The following HERC1 variants were observed in gnomAD, a reference collection of about 807,000 sequenced individuals.
The protein encoded by HERC1 is HECT and RLD domain containing E3 ubiquitin protein ligase family member 1, also known as probable E3 ubiquitin-protein ligase HERC1.
Under a neutral mutation model 554.3 loss-of-function variants are expected in HERC1, and 160 were observed. That is an observed-to-expected ratio of 0.29 (90% CI 0.25 to 0.33). The LOEUF is 0.33. Among genes scored for constraint, HERC1 ranks in the 10% least tolerant of loss-of-function variants. The probability of loss-of-function intolerance (pLI) is 1.00; values close to 1 mark genes in which losing one functional copy is unlikely to be tolerated. For missense variants in HERC1, 4,919 were observed against 5,918.5 expected (o/e 0.83, Z 5.54); for synonymous variants, 2,175 against 2,131.7 (o/e 1.02, Z -0.56).
intron 74 of HERC1, among the ~76,000 whole-genome samples, chr15:63,621,147 A>G (rs2068059781): frequency 6.6e-6 from 1 of 152,070 alleles, no homozygotes; most frequent in Non-Finnish European, 1.5e-5. Context: ...CTTCCTTTCC[A>G]TGTTTAGTGC....
intron 1 of HERC1, 76 bp downstream of exon 1, chr15:63,833,751 G>GCACACACACACACACACACACACA (rs1327103352): frequency 6.9e-5 from 5 of 72,342 alleles, no homozygotes; most frequent in South Asian, 7.1e-4. Context: ...ACACGCGCGC[G>GCACACACACACACACACACACACA]CGCACACACA....
chr15:63,713,907 G>GT (rs1451646963), intron 22 of HERC1: 4 of 424,378 alleles, frequency 9.4e-6, no homozygotes, highest in African/African-American at 8.0e-5. Flanking sequence ...GAATTTTAAT[G>GT]TAATCACAAT....
chr15:63,784,089 T>A (rs1421769276), intron 1 of HERC1, among the ~76,000 whole-genome samples: 1 of 150,178 alleles, frequency 6.7e-6, no homozygotes, highest in East Asian at 1.9e-4. Flanking sequence ...AGAATAAAAC[T>A]CATGCTCATA....
At chr15:63,631,114 G>A (rs1356661363) in intron 68 of HERC1, among the ~76,000 whole-genome samples, 1 of 152,118 alleles carries the variant, frequency 6.6e-6, no homozygotes, top group African/African-American at 2.4e-5. Flanking sequence ...GAGTAGCTTG[G>A]ACCACAGGCA....
In HERC1 at chr15:63,677,849, T is replaced by G. The variant is rs1291758604; in HGVS notation, c.7066A>C (p.Ile2356Leu). The G allele has an allele frequency of 6.2e-7, 1 of 1,613,180 alleles. No homozygotes were observed. The highest frequency in any genetic ancestry group is 8.5e-7 in the Non-Finnish European group (1 of 1,179,420). The change falls in exon 37 of 78, where the codon ATC (isoleucine) becomes CTC (leucine). Residue 2356 changes from isoleucine to leucine, a missense_variant. By Grantham distance (5) the Ile-to-Leu change is conservative. Coordinates refer to ENST00000443617, the MANE Select transcript of HERC1 (RefSeq NM_003922.4). This position sits in a 1 kb window ranked among gnomAD's most constrained non-coding sequence, Gnocchi z 4.4. The stretch of plus-strand genomic sequence containing the variant: ...GTGTAACTCAACAGATCATACCTGA[T>G]AGTAATTTCTGCTTCATCCCATTGG... The part of the protein sequence containing the change: ...KVQWDEAEIT[I>L]SFPTFWSPSD...
chr15:63,829,561 G>GTGTGTGTGTGTATATA (rs1220043639), intron 1 of HERC1, among the ~76,000 whole-genome samples: 3 of 81,732 alleles, frequency 3.7e-5, no homozygotes, highest in African/African-American at 1.6e-4. Flanking sequence ...GTGTGTGTGT[G>GTGTGTGTGTGTATATA]TATATATATA....
At chr15:63,778,472 C>T (rs13379688) in intron 1 of HERC1, among the ~76,000 whole-genome samples, 72,676 of 151,794 alleles carry the variant, frequency 0.48, 18,324 homozygotes, top group Non-Finnish European at 0.55. Context: ...TTTGTTGAAA[C>T]GCAGAGGAAA....
At chr15:63,642,821 T>C (rs552322900) in intron 59 of HERC1, 136 bp downstream of exon 59, 54 of 621,870 alleles carry the variant, frequency 8.7e-5, no homozygotes, top group Non-Finnish European at 1.4e-4. Flanking sequence ...TGCTACTAAA[T>C]AGTTGCACTG....
Position 63,698,879 on chromosome 15 carries a change from G to A in HERC1, c.4754C>T (p.Ser1585Phe). The A allele has an allele frequency of 6.2e-7, 1 of 1,613,938 alleles. No individual in the cohort carries two copies. The highest frequency in any genetic ancestry group is 8.5e-7 in the Non-Finnish European group (1 of 1,179,876). ...TTCAATCAAAGTGTGAACTCCCAAA[G>A]ACTTGGTAAGATCAAAATCTGACTC... Reference protein sequence around the residue: ...SFESDFDLTKSLGVHTLIENV... With the variant: ...SFESDFDLTKFLGVHTLIENV... Residue 1585 changes from serine to phenylalanine, a missense_variant, in exon 26 of 78, where the codon TCT (serine) becomes TTT (phenylalanine). By Grantham distance (155) the Ser-to-Phe change is radical. Coordinates refer to ENST00000443617, the MANE Select transcript of HERC1 (RefSeq NM_003922.4).
At chr15:63,675,720 G>C (rs1029133601) in intron 37 of HERC1, among the ~76,000 whole-genome samples, 3 of 151,974 alleles carry the variant, frequency 2.0e-5, no homozygotes, top group African/African-American at 2.4e-5. Context: ...CCTGATATTG[G>C]CAAGAACTTC....
At chr15:63,822,357 G>A (rs1036570901) in intron 1 of HERC1, among the ~76,000 whole-genome samples, 3 of 152,094 alleles carry the variant, frequency 2.0e-5, no homozygotes, top group Non-Finnish European at 4.4e-5. Flanking sequence ...AAGCCGAGGC[G>A]GGCAGATCAC....
chr15:63,798,299 A>G (rs17774168), intron 1 of HERC1, among the ~76,000 whole-genome samples: 45,994 of 152,040 alleles, frequency 0.3, 7,390 homozygotes, highest in Middle Eastern at 0.4. Flanking sequence ...TGAAAACCCC[A>G]AATGACTACT....
chr15:63,624,579 C>T (rs2068220017), intron 71 of HERC1, among the ~76,000 whole-genome samples: 1 of 152,068 alleles, frequency 6.6e-6, no homozygotes, highest in Admixed American at 6.6e-5. Flanking sequence ...CCTGTACTCC[C>T]AGTTACTCAG....
At chr15:63,668,555 T>C (rs866875856) in intron 40 of HERC1, among the ~76,000 whole-genome samples, 2 of 152,092 alleles carry the variant, frequency 1.3e-5, no homozygotes, top group Admixed American at 6.5e-5. Flanking sequence ...ATTTTAAATA[T>C]AGAGACACAA....
At position 63,693,994 on chromosome 15, in the gene HERC1, T is replaced by C. The variant is rs747342773; in HGVS notation, c.5644A>G (p.Ser1882Gly). 1.9e-6 allele frequency: 3 copies of C among 1,556,934 alleles called. No homozygotes were observed. The highest frequency in any genetic ancestry group is 4.8e-5 in the East Asian group (2 of 41,752). ...GEEEEKKVDS[S>G]GETEKKDFRA... ...AAATCTTTCTTCTCAGTTTCTCCAC[T>C]GGAGTCAACTTTTTTTTCTTCTTCT... The change falls in exon 30 of 78, where the codon AGT (serine) becomes GGT (glycine). Residue 1882 changes from serine (S) to glycine (G), a missense_variant. Transcript: ENST00000443617.
intron 36 of HERC1, among the ~76,000 whole-genome samples, chr15:63,679,022 G>A (rs1046354092): frequency 2.6e-5 from 4 of 152,176 alleles, no homozygotes; most frequent in East Asian, 3.8e-4. Flanking sequence ...GTTAAAAAAG[G>A]TTAACTGCTA....
At chr15:63,641,235 GT>G (rs2069043457) in intron 60 of HERC1, among the ~76,000 whole-genome samples, 1 of 152,164 alleles carries the variant, frequency 6.6e-6, no homozygotes, top group Admixed American at 6.5e-5. Flanking sequence ...CTGAAAAGCA[GT>G]AATACAAACT....
intron 25 of HERC1, among the ~76,000 whole-genome samples, chr15:63,706,242 AT>A (rs1373901693): frequency 6.6e-6 from 1 of 151,994 alleles, no homozygotes; most frequent in Non-Finnish European, 1.5e-5. Context: ...TTTTTAAAAT[AT>A]TTTTTATGTA....
chr15:63,816,763 C>T (rs1205203773), intron 1 of HERC1, among the ~76,000 whole-genome samples: 1 of 152,116 alleles, frequency 6.6e-6, no homozygotes, highest in Non-Finnish European at 1.5e-5. Flanking sequence ...AAACATACAA[C>T]TTACAGGGTT....
Sources: allele counts gnomAD v4.1 joint callset (sites outside exome capture counted in the v4.1 genomes callset), GRCh38; gene constraint gnomAD v4.1.1; non-coding constraint Gnocchi (gnomAD v3.1); transcripts MANE v1.5; gene names NCBI Gene and HGNC (gene_info 2026-07-23, HGNC 2026-07-21).